The following PLA2G4B variants were observed in gnomAD, a reference collection of about 807,000 sequenced individuals.
PLA2G4B encodes cytosolic phospholipase A2 beta.
Under a neutral mutation model 95.8 loss-of-function variants are expected in PLA2G4B, and 122 were observed. The ratio of observed to expected loss-of-function variants is 1.27; its 90% confidence interval spans 1.10 to 1.48. The LOEUF is 1.48. Among genes scored for constraint, PLA2G4B ranks in the 40% most tolerant of loss-of-function variants. The pLI, the probability that PLA2G4B is intolerant of heterozygous loss-of-function variation, is 0.00. For synonymous variants in PLA2G4B, 518 were observed against 421.5 expected (o/e 1.23, Z -2.80); for missense variants, 1,158 against 996.2 (o/e 1.16, Z -2.19).
rs2065407823 is a variant in PLA2G4B, at chr15:41,840,518, C to T, written c.83-6C>T. ...TCCACCGCTGGGCACTTGTTCCTTC[C>T]CGCAGTGACCCCCTCTGACTGCTAC... On this transcript the variant is annotated splice_region_variant and splice_polypyrimidine_tract_variant and intron_variant, in intron 2 of 19. Coordinates refer to ENST00000458483, the MANE Select transcript of PLA2G4B (RefSeq NM_001114633.2). 6.2e-7 allele frequency: 1 copy of T among 1,613,700 alleles called. No homozygotes were observed. Among genetic ancestry groups the T allele is most frequent in the Non-Finnish European group, 8.5e-7 (1 of 1,180,032 alleles).
chr15:41,842,062 G>T (rs1465613362), intron 8 of PLA2G4B, 113 bp downstream of exon 8: 3 of 1,561,566 alleles, frequency 1.9e-6, no homozygotes, highest in East Asian at 2.3e-5. Flanking sequence ...CTGGCAGCAT[G>T]TGTGGGCCCA....
intron 11 of PLA2G4B, 134 bp downstream of exon 11, chr15:41,843,945 C>T: frequency 1.4e-6 from 2 of 1,429,334 alleles, no homozygotes; most frequent in Non-Finnish European, 1.8e-6. Context: ...TTCCTCTCAC[C>T]TGGTGTTAGC....
intron 11 of PLA2G4B, among the ~76,000 whole-genome samples, chr15:41,844,154 G>A (rs1376427050): frequency 6.6e-6 from 1 of 152,198 alleles, no homozygotes; most frequent in Non-Finnish European, 1.5e-5. Flanking sequence ...TCCTGGGGGA[G>A]TGATGGCAAT....
In PLA2G4B at chr15:41,845,768, C is replaced by T; in HGVS notation, c.1488C>T (p.Phe496=). ...MKRLPESRIC[F]LEGIWSNLYA... is the part of the protein sequence containing the mutation. Reference sequence around the variant, plus strand: ...GGCTTCCTGAGTCCCGCATCTGCTTCTTAGAAGGTGAGGGGCACTGGCAGG... The same window carrying T: ...GGCTTCCTGAGTCCCGCATCTGCTTTTTAGAAGGTGAGGGGCACTGGCAGG... Residue 496 remains phenylalanine, a synonymous_variant, in exon 15 of 20, where the codon TTC becomes TTT. Transcript: ENST00000458483. The T allele has an allele frequency of 6.3e-7, 1 of 1,598,202 alleles. No individual in the cohort carries two copies.
At chr15:41,842,617 C>A (rs770516784) in intron 10 of PLA2G4B, 26 bp downstream of exon 10, 1 of 1,606,510 alleles carries the variant, frequency 6.2e-7, no homozygotes, top group South Asian at 1.1e-5. Flanking sequence ...GGGGACTGGG[C>A]AAGGCCCTGG....
At chr15:41,846,595 C>T in intron 17 of PLA2G4B, 74 bp from the exon 18 acceptor site, 2 of 1,541,466 alleles carry the variant, frequency 1.3e-6, no homozygotes, top group South Asian at 1.2e-5. Context: ...GACCAGAGGC[C>T]AGAGTCTCTC....
intron 14 of PLA2G4B, 54 bp from the exon 15 acceptor site, chr15:41,845,584 G>A (rs1595424130): frequency 6.2e-7 from 1 of 1,608,064 alleles, no homozygotes; most frequent in South Asian, 1.1e-5. Flanking sequence ...CGGGGTGGGG[G>A]TGTGGGTGCC....
intron 17 of PLA2G4B, 99 bp from the exon 18 acceptor site, chr15:41,846,570 C>T: frequency 2.0e-6 from 3 of 1,520,750 alleles, no homozygotes; most frequent in Non-Finnish European, 2.7e-6. Context: ...GGTGTTGGTT[C>T]AGCAGGAGAG....
intron 16 of PLA2G4B, 58 bp downstream of exon 16, chr15:41,846,105 AGG>A (rs779719554): frequency 1.9e-6 from 3 of 1,573,184 alleles, no homozygotes; most frequent in Non-Finnish European, 2.6e-6. Context: ...GGGCTGCACC[AGG>A]GGGCGGGGGG....
At chr15:41,840,280 G>T in intron 2 of PLA2G4B, 50 bp downstream of exon 2, 1 of 1,587,844 alleles carries the variant, frequency 6.3e-7, no homozygotes, top group East Asian at 2.2e-5. Context: ...GAGGAGGAGG[G>T]TGCTGAGGAG....
chr15:41,844,818 C>A (rs2065502918), intron 12 of PLA2G4B, 30 bp from the exon 13 acceptor site: 1 of 1,576,094 alleles, frequency 6.3e-7, no homozygotes, highest in South Asian at 1.2e-5. Context: ...TCAGTGACAG[C>A]CCTCTGGCTT....
Position 41,844,627 on chromosome 15 carries a change from A to G in PLA2G4B, c.1016+20A>G. 1 of 1,613,800 alleles carries G rather than the reference A, an allele frequency of 6.2e-7. No individual in the cohort carries two copies. Among genetic ancestry groups the G allele is most frequent in the Non-Finnish European group, 8.5e-7 (1 of 1,179,996 alleles). On this transcript the variant is annotated intron_variant, in intron 12 of 19. Coordinates refer to ENST00000458483, the MANE Select transcript of PLA2G4B (RefSeq NM_001114633.2). ...CACCTGGTGAGCTGGGGGCAGGCTG[A>G]TGCTGGACCCTGTGTGGCAGGGGGT...
At chr15:41,846,625 A>T (rs1595425955) in intron 17 of PLA2G4B, 44 bp from the exon 18 acceptor site, 40 of 1,561,194 alleles carry the variant, frequency 2.6e-5, no homozygotes, top group Non-Finnish European at 3.2e-5. Context: ...GGAATCTGGT[A>T]CCCTTGGTAT....
rs372753185 is a variant in PLA2G4B, at chr15:41,845,916, C to T, written c.1496-27C>T. The T allele has an allele frequency of 1.4e-5, 21 of 1,514,476 alleles. No individual in the cohort carries two copies. The African/African-American group carries it at 2.0e-4, about 14-fold the overall frequency. 93.8% of individuals were successfully genotyped at this position (1,514,476 alleles called of 1,614,324 possible). On this transcript the variant is annotated intron_variant, in intron 15 of 19. Coordinates refer to ENST00000458483, the MANE Select transcript of PLA2G4B (RefSeq NM_001114633.2). Reference sequence around the variant, plus strand: ...TAGGATTGGGACAAGAGTCGGGGGCCCTCTTCCCTCACGGCCGCTCTTTCA... The same window carrying T: ...TAGGATTGGGACAAGAGTCGGGGGCTCTCTTCCCTCACGGCCGCTCTTTCA...
chr15:41,841,414 C>G, intron 6 of PLA2G4B, 103 bp from the exon 7 acceptor site: 1 of 1,608,244 alleles, frequency 6.2e-7, no homozygotes, highest in Non-Finnish European at 8.5e-7. Flanking sequence ...TCTCAAGGGC[C>G]CAGGTAATGA....
At chr15:41,841,740 C>T in intron 7 of PLA2G4B, 79 bp from the exon 8 acceptor site, 1 of 1,582,484 alleles carries the variant, frequency 6.3e-7, no homozygotes, top group Non-Finnish European at 8.6e-7. Context: ...AGGGAGGTGC[C>T]CTCCAGGCCA....
rs1408594034 is a variant in PLA2G4B at position 41,844,571 on chromosome 15, G to GCGT, written c.982_984dup (p.Val328dup). 1 of 1,614,066 alleles carries GCGT rather than the reference G, an allele frequency of 6.2e-7. No homozygotes were observed. The highest frequency in any genetic ancestry group is 8.5e-7 in the Non-Finnish European group (1 of 1,180,038). ...CTGAAGGAGCTGGGCCTCTTGGATT[G>GCGT]CGTCTCCTACATCACCGGGGCCTCG... On this transcript the variant is annotated inframe_insertion, in exon 12 of 20. Transcript: ENST00000458483.
intron 12 of PLA2G4B, 71 bp downstream of exon 12, chr15:41,844,678 T>C (rs905655240): frequency 1.2e-6 from 2 of 1,607,918 alleles, no homozygotes; most frequent in Admixed American, 3.4e-5. Context: ...CTCCTAGGCC[T>C]CTGAGAAAAC....
At chr15:41,843,406 G>GCCTGGGGGCCTGTCTGCA (rs1002095040) in intron 10 of PLA2G4B, among the ~76,000 whole-genome samples, 5 of 152,170 alleles carry the variant, frequency 3.3e-5, no homozygotes, top group African/African-American at 1.2e-4. Context: ...TATGGGGCCT[G>GCCTGGGGGCCTGTCTGCA]CCTGGGGGCC....
Sources: allele counts gnomAD v4.1 joint callset (sites outside exome capture counted in the v4.1 genomes callset), GRCh38; gene constraint gnomAD v4.1.1; transcripts MANE v1.5; gene names NCBI Gene and HGNC (gene_info 2026-07-23, HGNC 2026-07-21).